Variants in PLXNA4 observed in about 807,000 individuals in gnomAD.
The protein encoded by PLXNA4 is plexin A4.
Under a neutral mutation model 191.8 loss-of-function variants are expected in PLXNA4, and 44 were observed. The observed-to-expected ratio is 0.23, with a 90% CI of 0.18 to 0.29. PLXNA4 has a LOEUF of 0.29. Ranked by LOEUF, PLXNA4 falls within the 10% of genes least tolerant of loss-of-function variation. The probability of loss-of-function intolerance (pLI) is 1.00; values close to 1 mark genes in which losing one functional copy is unlikely to be tolerated. For synonymous variants in PLXNA4, 1,082 were observed against 1,009.5 expected (o/e 1.07, Z -1.36); for missense variants, 1,800 against 2,488.8 (o/e 0.72, Z 5.89).
At position 132,168,542 on chromosome 7, in the gene PLXNA4, T is replaced by C; in HGVS notation, c.4048A>G (p.Lys1350Glu). ...VPGYRQERVE[K>E]GLKLFAQLIN... ...AGCTGGGCGAAGAGCTTCAGGCCTT[T>C]CTCCACACGCTCCTGCCGGTAGCCC... The change falls in exon 22 of 32, where the codon AAA (lysine) becomes GAA (glutamate). Residue 1350 changes from lysine (K) to glutamate (E), a missense_variant. Lys to Glu is a moderately conservative substitution (Grantham distance 56). Around this residue, in one of 6 missense-constraint regions of PLXNA4, gnomAD observed 1,397 missense variants for 1,880.4 expected, o/e 0.74. Transcript: ENST00000321063. 2 of 1,600,894 alleles carry C rather than the reference T, an allele frequency of 1.2e-6. No individual in the cohort carries two copies. The highest frequency in any genetic ancestry group is 1.1e-5 in the South Asian group (1 of 88,646).
In PLXNA4 at chr7:132,145,209, G is replaced by T; in HGVS notation, c.5135C>A (p.Ala1712Asp). 1 of 1,614,200 alleles carries T rather than the reference G, an allele frequency of 6.2e-7. No individual in the cohort carries two copies. Among genetic ancestry groups the T allele is most frequent in the South Asian group, 1.1e-5 (1 of 91,084 alleles). ...TAHRGSALPL[A>D]IKYMFDFLDE... ...CAGGAAGTCAAACATGTACTTGATGGCCAGGGGCAGGGCAGAGCCACGGTG... is the reference window on the plus strand; with the variant it reads ...CAGGAAGTCAAACATGTACTTGATGTCCAGGGGCAGGGCAGAGCCACGGTG... The change falls in exon 29 of 32, where the codon GCC (alanine) becomes GAC (aspartate). Residue 1712 changes from alanine (A) to aspartate (D), a missense_variant. Ala to Asp is a moderately radical substitution (Grantham distance 126, BLOSUM62 -2). Around this residue, in one of 6 missense-constraint regions of PLXNA4, gnomAD observed 101 missense variants for 182.8 expected, o/e 0.55. Transcript: ENST00000321063.
At chr7:132,577,521 G>A (rs947415303), upstream of PLXNA4, among the ~76,000 whole-genome samples, 1 of 151,758 alleles carries the variant, frequency 6.6e-6, no homozygotes, top group South Asian at 2.1e-4. Context: ...GAGGGAGAGC[G>A]GCCGGCAGAG....
rs79278036 is a variant in PLXNA4 at position 132,339,813 on chromosome 7, T to G, written c.1372-41591A>C. Among the ~76,000 whole-genome samples the G allele has an allele frequency of 8.7e-3, 1,324 of 152,286 alleles. 27 individuals are homozygous for G. Among genetic ancestry groups the G allele is most frequent in the African/African-American group, 0.031 (1,271 of 41,554 alleles). On this transcript the variant is annotated intron_variant, in intron 3 of 31. Transcript: ENST00000321063. ...TAGCATGCCTGTATTCAGGACTTAT[T>G]ATGATTAGATTATAGAATATTTGAT...
At chr7:132,390,479 T>C (rs897611163) in intron 3 of PLXNA4, among the ~76,000 whole-genome samples, 3 of 152,070 alleles carry the variant, frequency 2.0e-5, no homozygotes, top group Non-Finnish European at 2.9e-5. Flanking sequence ...GACCGGTTGA[T>C]GAGTGCAGCA....
At chr7:132,462,769 T>C (rs1796557885) in intron 3 of PLXNA4, among the ~76,000 whole-genome samples, 1 of 151,794 alleles carries the variant, frequency 6.6e-6, no homozygotes, top group South Asian at 2.1e-4. Context: ...GATGATAGAA[T>C]TTCAGGTTAT....
intron 3 of PLXNA4, among the ~76,000 whole-genome samples, chr7:132,390,413 G>T (rs1805353545): frequency 1.3e-5 from 2 of 152,164 alleles, no homozygotes; most frequent in African/African-American, 4.8e-5. Context: ...ACTGGGGCCT[G>T]TCGGGGGGTC....
Position 132,365,364 on chromosome 7 carries a change from T to TGCGTGCGCGCGCGC in PLXNA4, c.1372-67143_1372-67142insGCGCGCGCGCACGC, listed in dbSNP as rs144384812. On this transcript the variant is annotated intron_variant, in intron 3 of 31. Coordinates refer to ENST00000321063, the MANE Select transcript of PLXNA4 (RefSeq NM_020911.2). ...GTGTGTGTGTGTGTGTGTGTGTGCGTGCGCGCGCATGCATGGGGCAAGAGT... is the reference window on the plus strand; with the variant it reads ...GTGTGTGTGTGTGTGTGTGTGTGCGTGCGTGCGCGCGCGCGCGCGCGCATGCATGGGGCAAGAGT... Among the ~76,000 whole-genome samples the TGCGTGCGCGCGCGC allele has an allele frequency of 2.1e-4, 31 of 147,214 alleles. 1 individual carries two copies. The highest frequency in any genetic ancestry group is 2.1e-3 in the Admixed American group (31 of 14,832).
chr7:132,182,105 G>T lies in PLXNA4; in HGVS notation c.3244C>A (p.His1082Asn). Residue 1082 changes from histidine to asparagine, a missense_variant, in exon 17 of 32, where the codon CAC becomes AAC. Coordinates refer to ENST00000321063, the MANE Select transcript of PLXNA4 (RefSeq NM_020911.2). ...QIRAKHGGKE[H>N]INICEVLNAT... ...ATCAGCCCTACACTCACATTGATGT[G>T]CTCCTTCCCTCCATGCTTGGCACGG... 6.2e-7 allele frequency: 1 copy of T among 1,614,172 alleles called. No individual in the cohort carries two copies. The highest frequency in any genetic ancestry group is 8.5e-7 in the Non-Finnish European group (1 of 1,180,048).
chr7:132,237,424 C>A (rs952875109), intron 5 of PLXNA4, among the ~76,000 whole-genome samples: 2 of 152,140 alleles, frequency 1.3e-5, no homozygotes, highest in African/African-American at 4.8e-5. Context: ...TGGGGGAAGA[C>A]AAGATTTTAC....
chr7:132,594,038 G>A (rs1020750145), intron 2 of PLXNA4, among the ~76,000 whole-genome samples: 2 of 152,250 alleles, frequency 1.3e-5, no homozygotes, highest in African/African-American at 2.4e-5. Context: ...GCTAAGGCAA[G>A]TCTATGCCTC....
intron 2 of PLXNA4, among the ~76,000 whole-genome samples, chr7:132,588,328 A>G (rs1406116174): frequency 6.6e-6 from 1 of 151,964 alleles, no homozygotes; most frequent in East Asian, 2.0e-4. Flanking sequence ...CTCCCTTGGG[A>G]GAAATTATTC....
chr7:132,267,089 T>C (rs1423792471), intron 4 of PLXNA4, among the ~76,000 whole-genome samples: 1 of 152,204 alleles, frequency 6.6e-6, no homozygotes, highest in Non-Finnish European at 1.5e-5. Flanking sequence ...GTCTGAGGAA[T>C]ACATAACCAC....
At chr7:132,233,010 G>A (rs1463298482) in intron 5 of PLXNA4, among the ~76,000 whole-genome samples, 2 of 152,166 alleles carry the variant, frequency 1.3e-5, no homozygotes, top group Non-Finnish European at 2.9e-5. Context: ...TCTCCCTGCA[G>A]ATGATCCCCA....
At chr7:132,148,248 A>C (rs1795493328) in intron 26 of PLXNA4, among the ~76,000 whole-genome samples, 1 of 152,152 alleles carries the variant, frequency 6.6e-6, no homozygotes, top group African/African-American at 2.4e-5. Flanking sequence ...TCTCAATCCC[A>C]GTGCTTCCCT....
intron 3 of PLXNA4, among the ~76,000 whole-genome samples, chr7:132,350,049 GA>G (rs2116797277): frequency 6.6e-6 from 1 of 152,202 alleles, no homozygotes; most frequent in South Asian, 2.1e-4. Flanking sequence ...TTCTCTGAGT[GA>G]ATCTTCAAAA....
At position 132,210,934 on chromosome 7, in the gene PLXNA4, G is replaced by A. The variant is rs762025623; in HGVS notation, c.2298+9C>T. 43 of 1,608,224 alleles carry A rather than the reference G, an allele frequency of 2.7e-5. No homozygotes were observed. The highest frequency in any genetic ancestry group is 3.7e-5 in the Non-Finnish European group (43 of 1,177,378). On this transcript the variant is annotated intron_variant, in intron 10 of 31. Transcript: ENST00000321063. ...CTGGTTTGGCAGTGGGCAGGGTTGG[G>A]CGACTCACAGAGGTGTTCTGGCACT... is the stretch of plus-strand genomic sequence containing the variant.
chr7:132,441,189 C>A (rs1033520190), intron 3 of PLXNA4, among the ~76,000 whole-genome samples: 1 of 152,214 alleles, frequency 6.6e-6, no homozygotes, highest in Non-Finnish European at 1.5e-5. Flanking sequence ...AACTCTTAGT[C>A]TCTGCCTGCT....
rs1801173323 is a variant in PLXNA4, at chr7:132,298,154, T to A, written c.1440A>T (p.Pro480=). The change falls in exon 4 of 32, where the codon CCA becomes CCT. Residue 480 remains proline (P), a synonymous_variant. Transcript: ENST00000321063. ...TGGAGAAGGCCATATCCCGGAGGACTGGGCCGGGGTCCACCACCTGCACCG... is the reference window on the plus strand; with the variant it reads ...TGGAGAAGGCCATATCCCGGAGGACAGGGCCGGGGTCCACCACCTGCACCG... The part of the protein sequence containing the change: ...YETVQVVDPG[P]VLRDMAFSKD... 6.2e-7 allele frequency: 1 copy of A among 1,614,196 alleles called. No individual in the cohort carries two copies. Among genetic ancestry groups the A allele is most frequent in the East Asian group, 2.2e-5 (1 of 44,870 alleles).
chr7:132,221,455 C>T (rs989868111), intron 9 of PLXNA4, among the ~76,000 whole-genome samples: 2 of 152,148 alleles, frequency 1.3e-5, no homozygotes, highest in African/African-American at 4.8e-5. Context: ...AGGTTTCAGA[C>T]CAGAACAAGA....
Sources: allele counts gnomAD v4.1 joint callset (sites outside exome capture counted in the v4.1 genomes callset), GRCh38; gene constraint gnomAD v4.1.1; regional missense constraint gnomAD v4.1.1; transcripts MANE v1.5; gene names NCBI Gene and HGNC (gene_info 2026-07-23, HGNC 2026-07-21).